The following PKHD1 variants were observed in gnomAD, a reference collection of about 807,000 sequenced individuals.
The protein encoded by PKHD1 is PKHD1 ciliary IPT domain containing fibrocystin/polyductin.
PKHD1 carries 291 observed loss-of-function variants against 412.0 expected under a neutral mutation model. The observed-to-expected ratio is 0.71, with a 90% CI of 0.64 to 0.78. The LOEUF (loss-of-function observed/expected upper bound fraction) is 0.78. Ranked by LOEUF, PKHD1 falls within the 30% of genes least tolerant of loss-of-function variation. The pLI, the probability that PKHD1 is intolerant of heterozygous loss-of-function variation, is 0.00. For synonymous variants in PKHD1, 1,777 were observed against 1,821.5 expected (o/e 0.98, Z 0.62); for missense variants, 4,825 against 4,950.7 (o/e 0.97, Z 0.76).
In PKHD1 at chr6:52,073,481, T is replaced by C. The variant is rs1810927016; in HGVS notation, c.509A>G (p.Asp170Gly). 1.2e-6 allele frequency: 2 copies of C among 1,604,634 alleles called. No homozygotes were observed. Among genetic ancestry groups the C allele is most frequent in the Non-Finnish European group, 1.7e-6 (2 of 1,171,538 alleles). ...ITGRLETFDF[D>G]AEYIDSPVIL... ...CACTTACCTATCAATGTACTCAGCATCAAAATCAAAAGTTTCCAATCTTCC... is the reference window on the plus strand; with the variant it reads ...CACTTACCTATCAATGTACTCAGCACCAAAATCAAAAGTTTCCAATCTTCC... Residue 170 changes from aspartate (D) to glycine (G), a missense_variant, in exon 7 of 67, where the codon GAT (aspartate) becomes GGT (glycine). Physicochemically the swap from Asp to Gly is moderately conservative, Grantham distance 94. Transcript: ENST00000371117.
At chr6:51,989,944 GAAGAAAGGAAGGAAA>G (rs1796785978) in intron 35 of PKHD1, among the ~76,000 whole-genome samples, 2 of 28,244 alleles carry the variant, frequency 7.1e-5, no homozygotes, top group South Asian at 1.0e-3. Flanking sequence ...AAGAAGGAAG[GAAGAAAGGAAGGAAA>G]GAAGGAAGGA....
intron 60 of PKHD1, among the ~76,000 whole-genome samples, chr6:51,694,548 C>CTTT (rs67157925): frequency 0.025 from 940 of 37,688 alleles, 307 homozygotes; most frequent in Middle Eastern, 0.042. Context: ...CACAACCAGC[C>CTTT]TTTTTTTTTT....
intron 37 of PKHD1, among the ~76,000 whole-genome samples, chr6:51,931,962 G>C (rs1262328289): frequency 6.6e-6 from 1 of 151,684 alleles, no homozygotes; most frequent in Non-Finnish European, 1.5e-5. Context: ...AGCATGGAGA[G>C]AGAGGAGGGA....
At chr6:52,012,053 G>A (rs2079911869) in intron 34 of PKHD1, among the ~76,000 whole-genome samples, 1 of 152,164 alleles carries the variant, frequency 6.6e-6, no homozygotes, top group Non-Finnish European at 1.5e-5. Context: ...ATTTTCTGAG[G>A]AGCACTGGCA....
rs148390131 is a variant in PKHD1 at position 51,921,102 on chromosome 6, T to C, written c.6122-8526A>G. 1.3e-4 allele frequency among the ~76,000 whole-genome samples: 20 copies of C among 152,044 alleles called. 1 individual carries two copies. Among genetic ancestry groups the C allele is most frequent in the African/African-American group, 4.8e-4 (20 of 41,378 alleles). On this transcript the variant is annotated intron_variant, in intron 37 of 66. Transcript: ENST00000371117. The stretch of plus-strand genomic sequence containing the variant: ...CTGGATTCATTGATTTTTTGAAGGG[T>C]TTTTTGTGTCTCTATCTCCTTCAGT...
At chr6:51,802,746 A>C (rs1337340872) in intron 52 of PKHD1, among the ~76,000 whole-genome samples, 1 of 151,394 alleles carries the variant, frequency 6.6e-6, no homozygotes, top group Non-Finnish European at 1.5e-5. Context: ...TGTATCAAAT[A>C]AGTTTATTTC....
At chr6:51,710,076 G>A (rs1780477757) in intron 60 of PKHD1, among the ~76,000 whole-genome samples, 1 of 152,076 alleles carries the variant, frequency 6.6e-6, no homozygotes, top group African/African-American at 2.4e-5. Flanking sequence ...CGGGCATGGT[G>A]GCGGCTGCCT....
At chr6:51,911,671 T>A (rs1782955654) in intron 39 of PKHD1, 128 bp downstream of exon 39, 1 of 798,388 alleles carries the variant, frequency 1.3e-6, no homozygotes. Flanking sequence ...TACAGAAAAG[T>A]ATGGGCATCC....
Position 52,025,024 on chromosome 6 carries a change from T to C in PKHD1, c.4786A>G (p.Thr1596Ala), listed in dbSNP as rs1339555691. ...GTGGTGTTCTGTCCTCTCAGGCCTGTGCCCTCTATGGTCAAGAGGCTTCCA... is the reference window on the plus strand; with the variant it reads ...GTGGTGTTCTGTCCTCTCAGGCCTGCGCCCTCTATGGTCAAGAGGCTTCCA... ...HGGSLLTIEG[T>A]GLRGQNTTSV... is the part of the protein sequence containing the mutation. The change falls in exon 32 of 67, where the codon ACA becomes GCA. Residue 1596 changes from threonine (T) to alanine (A), a missense_variant. By Grantham distance (58) the Thr-to-Ala change is moderately conservative. Transcript: ENST00000371117. 2 of 1,614,034 alleles carry C rather than the reference T, an allele frequency of 1.2e-6. No homozygotes were observed. Among genetic ancestry groups the C allele is most frequent in the Admixed American group, 1.7e-5 (1 of 60,030 alleles).
At chr6:51,813,665 TG>T (rs1765021623) in intron 52 of PKHD1, among the ~76,000 whole-genome samples, 2 of 152,170 alleles carry the variant, frequency 1.3e-5, no homozygotes, top group African/African-American at 4.8e-5. Flanking sequence ...AATTCTGGTA[TG>T]GTCCTTATTA....
chr6:51,897,444 T>C (rs1780279529), intron 43 of PKHD1, among the ~76,000 whole-genome samples: 1 of 151,724 alleles, frequency 6.6e-6, no homozygotes, highest in Non-Finnish European at 1.5e-5. Flanking sequence ...AATAAAATCC[T>C]TTACAGACAA....
chr6:51,781,052 T>G (rs1469152369), intron 53 of PKHD1, among the ~76,000 whole-genome samples: 1 of 152,188 alleles, frequency 6.6e-6, no homozygotes. Flanking sequence ...ACTTTGGAAG[T>G]TGAGCTTCTA....
chr6:52,048,479 A>T lies in PKHD1; in HGVS notation c.2407+13T>A. ...GTGAGTGAGAATTGTTGCAACCCCA[A>T]TCACCCCTTTACCAGAAATCACTGT... On this transcript the variant is annotated intron_variant, in intron 23 of 66. Coordinates refer to ENST00000371117, the MANE Select transcript of PKHD1 (RefSeq NM_138694.4). The T allele has an allele frequency of 6.2e-7, 1 of 1,613,684 alleles. No individual in the cohort carries two copies. The highest frequency in any genetic ancestry group is 1.1e-5 in the South Asian group (1 of 91,066).
intron 48 of PKHD1, among the ~76,000 whole-genome samples, chr6:51,856,529 TCAA>T (rs958474746): frequency 6.6e-6 from 1 of 152,174 alleles, no homozygotes; most frequent in African/African-American, 2.4e-5. Context: ...ACCAGATTTA[TCAA>T]CAGCAAAAAA....
chr6:51,907,539 A>G (rs540466522), intron 40 of PKHD1, among the ~76,000 whole-genome samples: 2 of 152,332 alleles, frequency 1.3e-5, no homozygotes, highest in South Asian at 4.1e-4. Flanking sequence ...GTGTTTGTGT[A>G]GCTCTTATGG....
rs1398646157 is a variant in PKHD1, at chr6:52,026,004, A to G, written c.3806T>C (p.Val1269Ala). Residue 1269 changes from valine to alanine, a missense_variant, in exon 32 of 67, where the codon GTG becomes GCG. By Grantham distance (64) the Val-to-Ala change is moderately conservative (BLOSUM62 0). Transcript: ENST00000371117. ...DAGAPTVPAA[V>A]EVWAGNRFFA... ...GAACCTGTTGCCAGCCCAGACCTCC[A>G]CGGCAGCTGGAACAGTGGGAGCGCC... 5 of 1,614,012 alleles carry G rather than the reference A, an allele frequency of 3.1e-6. No homozygotes were observed. In the African/African-American group the frequency reaches 6.7e-5, roughly 22 times the overall value.
chr6:51,895,144 C>A (rs777267555), intron 43 of PKHD1, among the ~76,000 whole-genome samples: 3 of 152,180 alleles, frequency 2.0e-5, no homozygotes, highest in Non-Finnish European at 4.4e-5. Context: ...TGTATATCAT[C>A]CATACAGGAC....
At chr6:51,660,519 T>C (rs1772656913) in intron 60 of PKHD1, among the ~76,000 whole-genome samples, 1 of 152,124 alleles carries the variant, frequency 6.6e-6, no homozygotes, top group South Asian at 2.1e-4. Flanking sequence ...CAGATGCCAA[T>C]TGCAAGTCCT....
chr6:51,967,372 A>G (rs1291177495), intron 35 of PKHD1, among the ~76,000 whole-genome samples: 1 of 152,124 alleles, frequency 6.6e-6, no homozygotes, highest in Non-Finnish European at 1.5e-5. Flanking sequence ...GTTTCATACT[A>G]TACTATCAGT....
Sources: gnomAD v4.1 joint callset for allele counts (sites outside exome capture counted in the v4.1 genomes callset) on GRCh38, gnomAD v4.1.1 for gene constraint, MANE v1.5 for transcripts, NCBI Gene and HGNC (gene_info 2026-07-23, HGNC 2026-07-21) for gene names.